Variants in SEMA3A observed in about 807,000 individuals in gnomAD.
SEMA3A encodes semaphorin 3A.
A neutral mutation model predicts 97.9 loss-of-function variants in SEMA3A; 29 were observed. The observed-to-expected ratio is 0.30, with a 90% CI of 0.22 to 0.40. The LOEUF (loss-of-function observed/expected upper bound fraction) is 0.40, where lower values mean the gene tolerates loss of function less well. Ranked by LOEUF, SEMA3A falls within the 10% of genes least tolerant of loss-of-function variation. SEMA3A has a pLI of 1.00. For synonymous variants in SEMA3A, 321 were observed against 323.7 expected (o/e 0.99, Z 0.09); for missense variants, 763 against 951.3 (o/e 0.80, Z 2.60).
At chr7:84,296,125 A>G (rs2115804033) in intron 3 of SEMA3A, among the ~76,000 whole-genome samples, 1 of 152,276 alleles carries the variant, frequency 6.6e-6, no homozygotes, top group South Asian at 2.1e-4. Flanking sequence ...GACCTGTCTT[A>G]AGAAACAAGT....
At chr7:84,135,029 T>A in intron 1 of SEMA3A, 78 bp from the exon 2 acceptor site, 1 of 1,058,288 alleles carries the variant, frequency 9.4e-7, no homozygotes, top group South Asian at 1.6e-5. Context: ...CATGGTAACC[T>A]GACTATATTG....
chr7:84,330,831 G>T (rs1801893888), intron 2 of SEMA3A, among the ~76,000 whole-genome samples: 1 of 152,040 alleles, frequency 6.6e-6, no homozygotes, highest in African/African-American at 2.4e-5. Context: ...AGATAAGAAT[G>T]GTTTGGATTT....
chr7:84,033,738 A>G (rs535828381), intron 6 of SEMA3A, among the ~76,000 whole-genome samples: 1 of 152,254 alleles, frequency 6.6e-6, no homozygotes, highest in East Asian at 1.9e-4. Context: ...AGTCCTTCTC[A>G]AGTTTTAATG....
At chr7:84,302,201 T>C (rs964951159) in intron 3 of SEMA3A, among the ~76,000 whole-genome samples, 2 of 152,106 alleles carry the variant, frequency 1.3e-5, no homozygotes, top group Non-Finnish European at 2.9e-5. Flanking sequence ...TACTTATTTA[T>C]ATGAAATACA....
intron 1 of SEMA3A, among the ~76,000 whole-genome samples, chr7:84,424,579 T>C (rs1244561178): frequency 1.4e-5 from 1 of 72,868 alleles, no homozygotes; most frequent in Non-Finnish European, 2.0e-5. Context: ...AATATTAATA[T>C]ATATTATATA....
chr7:83,985,266 C>T (rs1374086726), intron 13 of SEMA3A, among the ~76,000 whole-genome samples, 170 bp downstream of exon 13: 1 of 152,036 alleles, frequency 6.6e-6, no homozygotes, highest in Non-Finnish European at 1.5e-5. Flanking sequence ...GCAATGAAAA[C>T]TATCTTCAGT....
At chr7:84,022,944 T>C (rs1393064026) in intron 6 of SEMA3A, among the ~76,000 whole-genome samples, 2 of 152,238 alleles carry the variant, frequency 1.3e-5, no homozygotes, top group Non-Finnish European at 2.9e-5. Context: ...ATGGAATCTT[T>C]AGTCATGATA....
At chr7:84,227,942 G>T (rs75542682) in intron 3 of SEMA3A, among the ~76,000 whole-genome samples, 11,061 of 151,692 alleles carry the variant, frequency 0.073, 1,378 homozygotes, top group African/African-American at 0.25. Flanking sequence ...GGGGGCGGGG[G>T]CAGGTAGTAG....
chr7:84,384,342 T>G (rs1803347329), intron 1 of SEMA3A, among the ~76,000 whole-genome samples: 1 of 152,162 alleles, frequency 6.6e-6, no homozygotes, highest in African/African-American at 2.4e-5. Flanking sequence ...GTCAGATTTC[T>G]AAAAATTATC....
At chr7:84,075,957 A>G (rs559035032) in intron 4 of SEMA3A, among the ~76,000 whole-genome samples, 2 of 152,302 alleles carry the variant, frequency 1.3e-5, no homozygotes, top group South Asian at 4.1e-4. Context: ...TTGTAAAATT[A>G]TTGATTGCAT....
intron 1 of SEMA3A, among the ~76,000 whole-genome samples, chr7:84,424,811 C>A (rs1485221437): frequency 4.3e-5 from 4 of 93,840 alleles, no homozygotes; most frequent in South Asian, 3.9e-4. Flanking sequence ...TACAAATATA[C>A]ATATATAATA....
At chr7:84,473,825 A>G (rs1806213681) in intron 1 of SEMA3A, among the ~76,000 whole-genome samples, 1 of 152,262 alleles carries the variant, frequency 6.6e-6, no homozygotes, top group African/African-American at 2.4e-5. Context: ...TGGTTCTAAG[A>G]GTAAAATTTT....
At chr7:84,136,315 G>C (rs1796123596) in intron 1 of SEMA3A, among the ~76,000 whole-genome samples, 1 of 152,028 alleles carries the variant, frequency 6.6e-6, no homozygotes. Flanking sequence ...TTATCTATTT[G>C]TCCTACTGAC....
chr7:84,474,162 AAG>A lies in SEMA3A; in HGVS notation c.-246+18296_-246+18297del, dbSNP rs564362700. ...ATTACAAAATTATATGATTAGAGAA[AAG>A]AGCTAAACCTGAACTTTGCTAGAGA... On this transcript the variant is annotated intron_variant, in intron 1 of 3. Coordinates refer to the SEMA3A transcript ENST00000424555. 8.4e-4 allele frequency among the ~76,000 whole-genome samples: 128 copies of A among 152,378 alleles called. 1 individual carries two copies. The highest frequency in any genetic ancestry group is 3.4e-3 in the Middle Eastern group (1 of 294).
At chr7:83,984,970 AAC>A (rs1394034791) in intron 13 of SEMA3A, among the ~76,000 whole-genome samples, 1 of 152,068 alleles carries the variant, frequency 6.6e-6, no homozygotes, top group African/African-American at 2.4e-5. Context: ...AGGTCCTCCA[AAC>A]ACATATAGCC....
intron 3 of SEMA3A, among the ~76,000 whole-genome samples, chr7:84,273,568 G>T (rs1477231621): frequency 1.3e-5 from 2 of 152,062 alleles, no homozygotes; most frequent in African/African-American, 4.8e-5. Context: ...TATTAGAAAA[G>T]CTAGTGTTCC....
At chr7:84,060,245 T>C (rs966327723) in intron 5 of SEMA3A, among the ~76,000 whole-genome samples, 3 of 152,230 alleles carry the variant, frequency 2.0e-5, no homozygotes, top group Admixed American at 6.5e-5. Flanking sequence ...TTTAAGATCC[T>C]ATTCCATTTC....
Position 84,382,770 on chromosome 7 carries a change from C to T in SEMA3A, c.-245-10870G>A, listed in dbSNP as rs922568680. 3.4e-5 allele frequency among the ~76,000 whole-genome samples: 5 copies of T among 148,936 alleles called. 1 individual carries two copies. The highest frequency in any genetic ancestry group is 2.1e-4 in the South Asian group (1 of 4,666). On this transcript the variant is annotated intron_variant, in intron 1 of 3. Coordinates refer to the SEMA3A transcript ENST00000424555. The stretch of plus-strand genomic sequence containing the variant: ...GTGGGTGCCTGTAGTTCCAGCTACT[C>T]GGGAGGCTGAGGCAGGAGAATTGCT...
In SEMA3A at chr7:84,313,394, ATATATATATAT is replaced by A. The variant is rs1562898820; in HGVS notation, c.-168-6113_-168-6103del. 6.9e-5 allele frequency among the ~76,000 whole-genome samples: 8 copies of A among 116,232 alleles called. 1 individual carries two copies. Among genetic ancestry groups the A allele is most frequent in the African/African-American group, 2.2e-4 (7 of 31,916 alleles). The allele number at this position is 116,232 out of a possible 152,430, so 76.3% of individuals were successfully genotyped here. On this transcript the variant is annotated intron_variant, in intron 2 of 3. Coordinates refer to the SEMA3A transcript ENST00000424555. ...TATATATATATATATATATATATAT[ATATATATATAT>A]AAACTATACGTGACTCCTGATAAGA...
Sources: gnomAD v4.1 joint callset for allele counts (sites outside exome capture counted in the v4.1 genomes callset) on GRCh38, gnomAD v4.1.1 for gene constraint, MANE v1.5 for transcripts, NCBI Gene and HGNC (gene_info 2026-07-23, HGNC 2026-07-21) for gene names.